ZNF236: variants seen among roughly 807,000 people sequenced by gnomAD.
ZNF236 encodes regulated by glucose.
In ZNF236, 50 loss-of-function variants were observed where a neutral mutation model predicts 191.2. The ratio of observed to expected loss-of-function variants is 0.26; its 90% confidence interval spans 0.21 to 0.33. ZNF236 has a LOEUF of 0.33. Among genes scored for constraint, ZNF236 ranks in the 10% least tolerant of loss-of-function variants. The pLI, the probability that ZNF236 is intolerant of heterozygous loss-of-function variation, is 1.00. For missense variants in ZNF236, 1,754 were observed against 2,374.5 expected (o/e 0.74, Z 5.43); for synonymous variants, 907 against 928.8 (o/e 0.98, Z 0.43).
intron 3 of ZNF236, 132 bp from the exon 4 acceptor site, chr18:76,868,553 T>C (rs1976486506): frequency 3.2e-6 from 2 of 621,316 alleles, no homozygotes; most frequent in Non-Finnish European, 5.2e-6. Flanking sequence ...AGGAAAGTAT[T>C]AGATCAAAAT....
intron 27 of ZNF236, among the ~76,000 whole-genome samples, chr18:76,948,486 G>T (rs1599419609): frequency 6.6e-6 from 1 of 152,138 alleles, no homozygotes; most frequent in Non-Finnish European, 1.5e-5. Context: ...TCACTACAAG[G>T]TCTCACTGGA....
At chr18:76,827,927 A>T (rs1975062043) in intron 1 of ZNF236, among the ~76,000 whole-genome samples, 1 of 152,136 alleles carries the variant, frequency 6.6e-6, no homozygotes, top group Non-Finnish European at 1.5e-5. Context: ...GAATAGTGCA[A>T]AATTTTTCTT....
chr18:76,891,821 A>C (rs1291894925), intron 9 of ZNF236, among the ~76,000 whole-genome samples: 4 of 151,952 alleles, frequency 2.6e-5, no homozygotes, highest in African/African-American at 9.7e-5. Context: ...CCAAATCGAT[A>C]TATGTCTTTT....
At chr18:76,909,923 T>C in intron 14 of ZNF236, 145 bp from the exon 15 acceptor site, 1 of 586,212 alleles carries the variant, frequency 1.7e-6, no homozygotes, top group Non-Finnish European at 3.1e-6. Context: ...TAAGCATATG[T>C]ATGTATTAAA....
chr18:76,840,018 A>G (rs760562574), intron 1 of ZNF236, among the ~76,000 whole-genome samples: 3 of 152,214 alleles, frequency 2.0e-5, no homozygotes, highest in Non-Finnish European at 4.4e-5. Flanking sequence ...GTTAAAGGTA[A>G]GGCTATAGAC....
chr18:76,967,555 G>T (rs868167016), intron 30 of ZNF236, among the ~76,000 whole-genome samples: 1 of 73,994 alleles, frequency 1.4e-5, no homozygotes, highest in African/African-American at 5.6e-5. Context: ...TTGTGATTTG[G>T]TGTTGGAGGT....
In ZNF236 at chr18:76,947,648, A is replaced by G. The variant is rs765702167; in HGVS notation, c.4910A>G (p.Tyr1637Cys). 1.2e-6 allele frequency: 2 copies of G among 1,613,222 alleles called. No individual in the cohort carries two copies. The highest frequency in any genetic ancestry group is 1.7e-6 in the Non-Finnish European group (2 of 1,179,546). The stretch of plus-strand genomic sequence containing the variant: ...TCTGCTGCTTGTGAAGAAATAGCCT[A>G]CCAGGTACAGGATATTCCTTCATTC... ...SASAACEEIA[Y>C]QVAGVSGNLA... The change falls in exon 27 of 31, where the codon TAC (tyrosine) becomes TGC (cysteine). Residue 1637 changes from tyrosine to cysteine, a missense_variant. Physicochemically the swap from Tyr to Cys is radical, Grantham distance 194. Transcript: ENST00000320610.
Position 76,971,651 on chromosome 18 carries a change from TTCTTG to T in ZNF236, c.*3318_*3322del, listed in dbSNP as rs2123001157. Among the ~76,000 whole-genome samples the T allele has an allele frequency of 6.6e-6, 1 of 152,358 alleles. No homozygotes were observed. The highest frequency in any genetic ancestry group is 2.1e-4 in the South Asian group (1 of 4,830). On this transcript the variant is annotated 3_prime_UTR_variant, in exon 31 of 31. Transcript: ENST00000320610. ...ACAATTTTTAGAAGTAGAAGTGGAT[TTCTTG>T]TCTTGCTGTGGGTTTTCCTCATTTT...
chr18:76,863,911 G>A (rs757204475), intron 3 of ZNF236, among the ~76,000 whole-genome samples: 6 of 152,350 alleles, frequency 3.9e-5, no homozygotes, highest in African/African-American at 2.4e-5. Flanking sequence ...GAATGGTGTG[G>A]TGGTTAATTT....
At chr18:76,883,116 T>C (rs921293695) in intron 9 of ZNF236, among the ~76,000 whole-genome samples, 1 of 152,074 alleles carries the variant, frequency 6.6e-6, no homozygotes, top group Non-Finnish European at 1.5e-5. Flanking sequence ...TTCACCCGCA[T>C]GTGCTGGTGA....
chr18:76,949,629 C>A (rs1279803095), intron 27 of ZNF236, among the ~76,000 whole-genome samples: 2 of 151,676 alleles, frequency 1.3e-5, no homozygotes, highest in Non-Finnish European at 2.9e-5. Context: ...TTATACTATA[C>A]TGTAATAATA....
At chr18:76,948,272 T>C (rs995903523) in intron 27 of ZNF236, among the ~76,000 whole-genome samples, 15 of 152,158 alleles carry the variant, frequency 9.9e-5, no homozygotes, top group Non-Finnish European at 2.1e-4. Flanking sequence ...ATTAAACATT[T>C]TTAGCAAATG....
intron 27 of ZNF236, 24 bp from the exon 28 acceptor site, chr18:76,955,961 G>C: frequency 1.3e-6 from 2 of 1,597,062 alleles, no homozygotes; most frequent in East Asian, 2.3e-5. Flanking sequence ...TGAGTGGAAA[G>C]TCACAATTTC....
rs775341462 is a variant in ZNF236 at position 76,968,962 on chromosome 18, C to T, written c.*623C>T. The T allele has an allele frequency of 8.9e-5, 88 of 985,928 alleles. 1 individual carries two copies. The highest frequency in any genetic ancestry group is 5.2e-4 in the Middle Eastern group (1 of 1,914). 61.1% of individuals were successfully genotyped at this position (985,928 alleles called of 1,614,324 possible). On this transcript the variant is annotated 3_prime_UTR_variant, in exon 31 of 31. Transcript: ENST00000320610. ...TGTTTAATCATTAGTTACAAGAATG[C>T]AGTATCTGGGGCGTCAACATGGGGA...
rs967434739 is a variant in ZNF236 at position 76,905,321 on chromosome 18, G to A, written c.2203G>A (p.Gly735Ser). 6.2e-7 allele frequency: 1 copy of A among 1,614,152 alleles called. No homozygotes were observed. The highest frequency in any genetic ancestry group is 1.1e-5 in the South Asian group (1 of 91,078). ...TTGGSLRRHM[G>S]IHNDLRPYMC... ...TGGTGGCAGCTTACGGCGACACATG[G>A]GTATCCACAACGACCTTCGTCCCTA... The change falls in exon 13 of 31, where the codon GGT becomes AGT. Residue 735 changes from glycine to serine, a missense_variant. This residue lies in a region of ZNF236 where 641 missense variants were observed against 869.6 expected (regional missense o/e 0.74). Coordinates refer to ENST00000320610, the MANE Select transcript of ZNF236 (RefSeq NM_001306089.2).
In ZNF236 at chr18:76,916,963, A is replaced by G. The variant is rs1967383911; in HGVS notation, c.3274+1104A>G. ...CTGACCGAAAGACCACAGTGAGACC[A>G]TCTGGGGTCCCCGGTGGGTTATGGC... On this transcript the variant is annotated intron_variant, in intron 19 of 30. Coordinates refer to ENST00000320610, the MANE Select transcript of ZNF236 (RefSeq NM_001306089.2). Among the ~76,000 whole-genome samples the G allele has an allele frequency of 2.0e-5, 3 of 152,210 alleles. No homozygotes were observed. In the South Asian group the frequency reaches 6.2e-4, roughly 32 times the overall value.
chr18:76,933,949 C>A (rs1231699383), intron 25 of ZNF236, among the ~76,000 whole-genome samples: 1 of 152,120 alleles, frequency 6.6e-6, no homozygotes, highest in East Asian at 1.9e-4. Flanking sequence ...TGAGGCCACA[C>A]CACTAATAAT....
Position 76,889,831 on chromosome 18 carries a change from G to C in ZNF236, c.1418-5182G>C, listed in dbSNP as rs563813212. On this transcript the variant is annotated intron_variant, in intron 9 of 30. Coordinates refer to ENST00000320610, the MANE Select transcript of ZNF236 (RefSeq NM_001306089.2). ...GGGAAGCGCACCACTACTGTCTTCT[G>C]TGTCTTTTAAACAAGCACAGGCATC... Among the ~76,000 whole-genome samples the C allele has an allele frequency of 5.9e-5, 9 of 152,326 alleles. No individual in the cohort carries two copies. The East Asian group carries it at 1.7e-3, about 29-fold the overall frequency.
intron 10 of ZNF236, among the ~76,000 whole-genome samples, chr18:76,898,663 C>G (rs1425012804): frequency 2.0e-5 from 3 of 152,198 alleles, no homozygotes; most frequent in Non-Finnish European, 4.4e-5. Context: ...AGCAGCAGCC[C>G]TGGAGGCAGG....
Sources: gnomAD v4.1 joint callset for allele counts (sites outside exome capture counted in the v4.1 genomes callset) on GRCh38, gnomAD v4.1.1 for gene constraint, gnomAD v4.1.1 regional missense constraint, MANE v1.5 for transcripts, NCBI Gene and HGNC (gene_info 2026-07-23, HGNC 2026-07-21) for gene names.